FAM227A: variants seen among roughly 807,000 people sequenced by gnomAD.
FAM227A encodes protein FAM227A.
A neutral mutation model predicts 74.7 loss-of-function variants in FAM227A; 80 were observed. The observed-to-expected ratio is 1.07, with a 90% CI of 0.89 to 1.29. FAM227A has a LOEUF of 1.29. Among genes scored for constraint, FAM227A ranks in the 50% most tolerant of loss-of-function variants. The pLI, the probability that FAM227A is intolerant of heterozygous loss-of-function variation, is 0.00. For synonymous variants in FAM227A, 237 were observed against 241.8 expected (o/e 0.98, Z 0.19); for missense variants, 654 against 683.4 (o/e 0.96, Z 0.48).
At chr22:38,628,779 G>A in intron 7 of FAM227A, 55 bp downstream of exon 7, 1 of 1,051,228 alleles carries the variant, frequency 9.5e-7, no homozygotes, top group Non-Finnish European at 1.4e-6. Flanking sequence ...AATGGAATTT[G>A]TTCTGTAGAA....
At position 38,634,594 on chromosome 22, in the gene FAM227A, G is replaced by A. The variant is rs1344878296; in HGVS notation, c.519+1857C>T. Among the ~76,000 whole-genome samples the A allele has an allele frequency of 5.9e-5, 9 of 152,156 alleles. No homozygotes were observed. In the East Asian group the frequency reaches 7.7e-4, roughly 13 times the overall value. On this transcript the variant is annotated intron_variant, in intron 6 of 16. Transcript: ENST00000535113. ...AGAAGAAATTAAAGCTCAGAGAGGC[G>A]CTTAACCACCCAGATGTACTGCTTT...
At chr22:38,595,361 A>G (rs2091022840) in intron 15 of FAM227A, among the ~76,000 whole-genome samples, 1 of 152,212 alleles carries the variant, frequency 6.6e-6, no homozygotes, top group Admixed American at 6.5e-5. Context: ...CCTTGCAGAC[A>G]GGGTGGCTCC....
At chr22:38,648,192 G>A (rs1248837722) in intron 2 of FAM227A, among the ~76,000 whole-genome samples, 4 of 151,920 alleles carry the variant, frequency 2.6e-5, no homozygotes, top group African/African-American at 7.3e-5. Flanking sequence ...GAGGATGAAC[G>A]AAGACAGGGC....
intron 1 of FAM227A, among the ~76,000 whole-genome samples, chr22:38,650,947 A>G (rs148057461): frequency 2.4e-4 from 37 of 152,314 alleles, no homozygotes; most frequent in Non-Finnish European, 7.4e-5. Flanking sequence ...AAGCTCATAC[A>G]TAACGGAAGG....
chr22:38,634,363 A>C (rs1273886608), intron 6 of FAM227A, among the ~76,000 whole-genome samples: 1 of 152,166 alleles, frequency 6.6e-6, no homozygotes, highest in Non-Finnish European at 1.5e-5. Flanking sequence ...ATGGCTACAC[A>C]GTCCATGATA....
chr22:38,589,366 G>T (rs931441583), intron 16 of FAM227A, among the ~76,000 whole-genome samples: 1 of 152,022 alleles, frequency 6.6e-6, no homozygotes, highest in Non-Finnish European at 1.5e-5. Context: ...AAAAAGAAAA[G>T]AAATATATAT....
At position 38,597,243 on chromosome 22, in the gene FAM227A, A is replaced by G. The variant is rs998405543; in HGVS notation, c.1493T>C (p.Phe498Ser). 11 of 1,552,150 alleles carry G rather than the reference A, an allele frequency of 7.1e-6. No individual in the cohort carries two copies. The highest frequency in any genetic ancestry group is 1.7e-4 in the Middle Eastern group (1 of 6,020). The change falls in exon 15 of 17, where the codon TTT becomes TCT. Residue 498 changes from phenylalanine to serine, a missense_variant. By Grantham distance (155) the Phe-to-Ser change is radical. Transcript: ENST00000535113. ...TTGCAGCTCCTTTAGATGCTTGTCA[A>G]AATAATTCCATTCAGTCCAATGATG... is the stretch of plus-strand genomic sequence containing the variant. ...YQHHWTEWNY[F>S]DKHLKELQDN... is the part of the protein sequence containing the mutation.
intron 13 of FAM227A, 62 bp downstream of exon 13, chr22:38,605,192 T>G: frequency 1.1e-6 from 1 of 932,918 alleles, no homozygotes; most frequent in Non-Finnish European, 1.7e-6. Context: ...ATCATTTTCT[T>G]ACCACACCTC....
intron 6 of FAM227A, among the ~76,000 whole-genome samples, chr22:38,633,535 C>T (rs1180492676): frequency 6.6e-6 from 1 of 152,096 alleles, no homozygotes. Flanking sequence ...AGGAAGAAAA[C>T]AACTATAATA....
At chr22:38,621,629 A>C (rs2091693869) in intron 10 of FAM227A, among the ~76,000 whole-genome samples, 1 of 152,160 alleles carries the variant, frequency 6.6e-6, no homozygotes, top group Non-Finnish European at 1.5e-5. Context: ...GGCCCTGAAT[A>C]AGTGCCAGCT....
chr22:38,634,473 CTT>C (rs1047062541), intron 6 of FAM227A, among the ~76,000 whole-genome samples: 43 of 152,228 alleles, frequency 2.8e-4, no homozygotes, highest in African/African-American at 8.9e-4. Flanking sequence ...GAATTTATGA[CTT>C]TTAGCACTGT....
At chr22:38,644,961 C>T (rs1256277230) in intron 3 of FAM227A, among the ~76,000 whole-genome samples, 3 of 152,008 alleles carry the variant, frequency 2.0e-5, no homozygotes, top group Admixed American at 6.6e-5. Flanking sequence ...TGGTGGCACA[C>T]GGCTGTAGTC....
chr22:38,636,696 C>T (rs2092013466), intron 5 of FAM227A, 99 bp from the exon 6 acceptor site: 3 of 1,103,578 alleles, frequency 2.7e-6, no homozygotes, highest in Admixed American at 2.9e-5. Context: ...AATATAACAA[C>T]CTTATAGAAT....
chr22:38,645,377 G>T (rs538558769), intron 3 of FAM227A, among the ~76,000 whole-genome samples, 186 bp downstream of exon 3: 1 of 152,052 alleles, frequency 6.6e-6, no homozygotes, highest in East Asian at 1.9e-4. Context: ...GCAACAAAGC[G>T]AGACTCCATC....
chr22:38,631,175 C>A (rs541283226), intron 6 of FAM227A, among the ~76,000 whole-genome samples: 1 of 152,092 alleles, frequency 6.6e-6, no homozygotes, highest in East Asian at 1.9e-4. Flanking sequence ...CTCAAAAAAA[C>A]AAAACAAAAC....
intron 2 of FAM227A, among the ~76,000 whole-genome samples, chr22:38,649,384 G>C (rs944002207): frequency 6.6e-6 from 1 of 152,004 alleles, no homozygotes; most frequent in African/African-American, 2.4e-5. Flanking sequence ...GGCCAACATG[G>C]TGAAACCCCA....
At chr22:38,630,083 GA>G (rs950677482) in intron 6 of FAM227A, among the ~76,000 whole-genome samples, 1 of 143,710 alleles carries the variant, frequency 7.0e-6, no homozygotes, top group African/African-American at 2.6e-5. Flanking sequence ...TTACCATCAG[GA>G]AGCGTGCCTC....
chr22:38,582,755 C>A lies in FAM227A; in HGVS notation c.*3370G>T. ...CTTGCTGTATGGGGGCTAATAGTAG[C>A]GGTGGATAGGTAGACAGGCAATTCC... On this transcript the variant is annotated 3_prime_UTR_variant, in exon 17 of 17. Coordinates refer to ENST00000535113, the MANE Select transcript of FAM227A (RefSeq NM_001013647.2). The A allele has an allele frequency of 7.1e-7, 1 of 1,401,004 alleles. No individual in the cohort carries two copies. Among genetic ancestry groups the A allele is most frequent in the Non-Finnish European group, 9.8e-7 (1 of 1,018,118 alleles). The allele number at this position is 1,401,004 out of a possible 1,614,324, so 86.8% of individuals were successfully genotyped here. A position where few individuals can be genotyped will look rare whatever the true frequency, so the allele number is the denominator to read the frequency against.
intron 3 of FAM227A, among the ~76,000 whole-genome samples, chr22:38,643,442 C>G (rs1285829045): frequency 6.6e-6 from 1 of 152,036 alleles, no homozygotes; most frequent in East Asian, 1.9e-4. Context: ...AAAACTAAAA[C>G]AGCAATGGGA....
Sources: gnomAD v4.1 joint callset for allele counts (sites outside exome capture counted in the v4.1 genomes callset) on GRCh38, gnomAD v4.1.1 for gene constraint, MANE v1.5 for transcripts, NCBI Gene and HGNC (gene_info 2026-07-23, HGNC 2026-07-21) for gene names.